The following MYO6 variants were observed in gnomAD, a reference collection of about 807,000 sequenced individuals.
The protein encoded by MYO6 is unconventional myosin-VI.
Under a neutral mutation model 178.7 loss-of-function variants are expected in MYO6, and 74 were observed. The ratio of observed to expected loss-of-function variants is 0.41; its 90% confidence interval spans 0.34 to 0.50. MYO6 has a LOEUF of 0.50. Among genes scored for constraint, MYO6 ranks in the 20% least tolerant of loss-of-function variants. The pLI, the probability that MYO6 is intolerant of heterozygous loss-of-function variation, is 0.09. For synonymous variants in MYO6, 477 were observed against 504.6 expected, an observed-to-expected ratio of 0.95 and a Z score of 0.73; for missense variants, 1,330 against 1,547.4, an observed-to-expected ratio of 0.86 and a Z score of 2.36.
chr6:75,805,655 T>G (rs983706824), intron 1 of MYO6, among the ~76,000 whole-genome samples: 3 of 152,218 alleles, frequency 2.0e-5, no homozygotes, highest in African/African-American at 7.2e-5. Flanking sequence ...CTATAGTGTT[T>G]GCATTAAAAA....
chr6:75,757,331 A>G (rs1286953102), intron 1 of MYO6, among the ~76,000 whole-genome samples: 2 of 149,402 alleles, frequency 1.3e-5, no homozygotes, highest in Non-Finnish European at 1.5e-5. Flanking sequence ...TAGAACATAT[A>G]TACATATACA....
At position 75,918,268 on chromosome 6, in the gene MYO6, G is replaced by T. The variant is rs1159904587; in HGVS notation, c.*3256G>T. Reference sequence around the variant, plus strand: ...AAACTAACAAGGATGGAAGGGGAGGGCAAAGGATATCTAAACATGAGAATA... The same window carrying T: ...AAACTAACAAGGATGGAAGGGGAGGTCAAAGGATATCTAAACATGAGAATA... On this transcript the variant is annotated 3_prime_UTR_variant, in exon 35 of 35. Coordinates refer to ENST00000369977, the MANE Select transcript of MYO6 (RefSeq NM_004999.4). 1 of 152,068 alleles carries T rather than the reference G, an allele frequency of 6.6e-6. No homozygotes were observed. The highest frequency in any genetic ancestry group is 1.5e-5 in the Non-Finnish European group (1 of 68,020). The allele number at this position is 152,068 out of a possible 1,614,324, so 9.4% of individuals were successfully genotyped here.
intron 3 of MYO6, 123 bp downstream of exon 3, chr6:75,822,974 A>G (rs1230157188): frequency 4.0e-6 from 3 of 749,264 alleles, no homozygotes; most frequent in Non-Finnish European, 6.9e-6. Flanking sequence ...GTCTTTTGAC[A>G]TGAATATTCA....
Position 75,787,689 on chromosome 6 carries a change from TC to T in MYO6, c.-47-29811del, listed in dbSNP as rs1562157810. Among the ~76,000 whole-genome samples the T allele has an allele frequency of 3.9e-4, 9 of 23,092 alleles. No individual in the cohort carries two copies. In the East Asian group the frequency reaches 7.7e-3, roughly 20 times the overall value. The allele number at this position is 23,092 out of a possible 152,430, so 15.1% of individuals were successfully genotyped here. ...GGAATGGAACTATTCTCTCTCTCTC[TC>T]TCTCTCTCTCTCTCTCTCTCTCTCT... is the stretch of plus-strand genomic sequence containing the variant. On this transcript the variant is annotated intron_variant, in intron 1 of 34. Coordinates refer to ENST00000369977, the MANE Select transcript of MYO6 (RefSeq NM_004999.4).
Position 75,828,547 on chromosome 6 carries a change from A to G in MYO6, c.195A>G (p.Leu65=). The G allele has an allele frequency of 1.9e-6, 3 of 1,547,980 alleles. No homozygotes were observed. Among genetic ancestry groups the G allele is most frequent in the Non-Finnish European group, 2.7e-6 (3 of 1,120,506 alleles). Residue 65 remains leucine, a synonymous_variant, in exon 4 of 35, where the codon CTA becomes CTG. Coordinates refer to ENST00000369977, the MANE Select transcript of MYO6 (RefSeq NM_004999.4). Reference sequence around the variant, plus strand: ...ATAAATTTTATGTCTTAGGTTCACTAATGTATTTAAATGAAGCCACACTGC... The same window carrying G: ...ATAAATTTTATGTCTTAGGTTCACTGATGTATTTAAATGAAGCCACACTGC... ...SKKDVEDNCS[L]MYLNEATLLH... is the part of the protein sequence containing the mutation.
chr6:75,905,075 C>T (rs946620577), intron 30 of MYO6, among the ~76,000 whole-genome samples: 6 of 152,230 alleles, frequency 3.9e-5, no homozygotes, highest in Non-Finnish European at 5.9e-5. Flanking sequence ...AGGAGACAGT[C>T]TGCCTGTTCT....
At chr6:75,809,047 G>A (rs1001269416) in intron 1 of MYO6, among the ~76,000 whole-genome samples, 7 of 152,202 alleles carry the variant, frequency 4.6e-5, no homozygotes, top group Non-Finnish European at 1.0e-4. Context: ...AATGAGATAT[G>A]CGTTTGTCTC....
At chr6:75,885,925 T>A in intron 23 of MYO6, 79 bp from the exon 24 acceptor site, 1 of 845,082 alleles carries the variant, frequency 1.2e-6, no homozygotes, top group Non-Finnish European at 1.9e-6. Context: ...AGCATTACTT[T>A]GTGAAAATGA....
chr6:75,823,915 T>G (rs1772167734), intron 3 of MYO6, among the ~76,000 whole-genome samples: 1 of 152,226 alleles, frequency 6.6e-6, no homozygotes, highest in African/African-American at 2.4e-5. Context: ...CTGTTTTTAT[T>G]AGGTGCAAGA....
intron 25 of MYO6, among the ~76,000 whole-genome samples, chr6:75,889,318 T>G (rs1386912285): frequency 6.6e-6 from 1 of 152,240 alleles, no homozygotes; most frequent in Non-Finnish European, 1.5e-5. Context: ...TTTGGATATA[T>G]TTTGTAATTT....
At chr6:75,877,331 A>G (rs188333411) in intron 20 of MYO6, among the ~76,000 whole-genome samples, 136 of 150,754 alleles carry the variant, frequency 9.0e-4, no homozygotes, top group African/African-American at 3.0e-3. Context: ...CAGTGGTACA[A>G]TCTTGGCTGA....
At chr6:75,866,872 C>G (rs1283664998) in intron 17 of MYO6, 60 bp from the exon 18 acceptor site, 1 of 1,546,926 alleles carries the variant, frequency 6.5e-7, no homozygotes, top group African/African-American at 1.4e-5. Flanking sequence ...TGGACAGAGC[C>G]ATGTTAAGTG....
At chr6:75,770,697 G>C (rs367881401) in intron 1 of MYO6, among the ~76,000 whole-genome samples, 10 of 152,146 alleles carry the variant, frequency 6.6e-5, no homozygotes, top group African/African-American at 2.4e-4. Context: ...GTCTGGTCTT[G>C]AACTCCCGAC....
chr6:75,886,768 A>G, intron 24 of MYO6, 76 bp from the exon 25 acceptor site: 1 of 1,368,900 alleles, frequency 7.3e-7, no homozygotes, highest in Non-Finnish European at 1.0e-6. Flanking sequence ...TACCCTGTTT[A>G]GCATTTTATA....
At chr6:75,873,978 C>T (rs1777365663) in intron 20 of MYO6, among the ~76,000 whole-genome samples, 1 of 152,138 alleles carries the variant, frequency 6.6e-6, no homozygotes, top group Non-Finnish European at 1.5e-5. Flanking sequence ...CTAATTTTTC[C>T]CAAGGTATCA....
intron 30 of MYO6, 103 bp from the exon 31 acceptor site, chr6:75,907,502 A>G: frequency 2.4e-6 from 2 of 839,036 alleles, no homozygotes; most frequent in Non-Finnish European, 4.0e-6. Context: ...TTTTTCTAGT[A>G]GCTGTTTCCG....
Position 75,907,693 on chromosome 6 carries a change from A to G in MYO6, c.3265A>G (p.Ile1089Val). ...KWKYAELRDT[I>V]NTSCDIELLA... ...GAAATATGCAGAACTACGTGATACC[A>G]TCAATACTTCTTGTGGTAAGTGTTT... is the stretch of plus-strand genomic sequence containing the variant. Residue 1089 changes from isoleucine (I) to valine (V), a missense_variant, in exon 31 of 35, where the codon ATC becomes GTC. By Grantham distance (29) the Ile-to-Val change is conservative (BLOSUM62 3). This residue lies in a region of MYO6 where 601 missense variants were observed against 626.1 expected (regional missense o/e 0.96). Transcript: ENST00000369977. 7 of 1,611,216 alleles carry G rather than the reference A, an allele frequency of 4.3e-6. No individual in the cohort carries two copies. Among genetic ancestry groups the G allele is most frequent in the Non-Finnish European group, 5.9e-6 (7 of 1,177,936 alleles).
At chr6:75,891,121 A>T in intron 26 of MYO6, 107 bp from the exon 27 acceptor site, 1 of 702,906 alleles carries the variant, frequency 1.4e-6, no homozygotes, top group Non-Finnish European at 2.4e-6. Flanking sequence ...GTTAATTTGC[A>T]TTCCCAATCT....
At chr6:75,887,085 GT>G in intron 25 of MYO6, 91 bp downstream of exon 25, 1 of 1,291,414 alleles carries the variant, frequency 7.7e-7, no homozygotes, top group East Asian at 2.4e-5. Context: ...AACGTCCTTA[GT>G]TTTTCAAAAT....
Sources: gnomAD v4.1 joint callset for allele counts (sites outside exome capture counted in the v4.1 genomes callset) on GRCh38, gnomAD v4.1.1 for gene constraint, gnomAD v4.1.1 regional missense constraint, MANE v1.5 for transcripts, NCBI Gene and HGNC (gene_info 2026-07-23, HGNC 2026-07-21) for gene names.